Variants in TSPAN9 observed in about 807,000 individuals in gnomAD.
TSPAN9 encodes tetraspanin-9.
TSPAN9 carries 16 observed loss-of-function variants against 31.0 expected under a neutral mutation model. The observed-to-expected ratio is 0.52, with a 90% CI of 0.35 to 0.78. TSPAN9 has a LOEUF of 0.78. Among genes scored for constraint, TSPAN9 ranks in the 30% least tolerant of loss-of-function variants. The probability of loss-of-function intolerance (pLI) is 0.01; values close to 1 mark genes in which losing one functional copy is unlikely to be tolerated. For synonymous variants in TSPAN9, 145 were observed against 121.6 expected, an observed-to-expected ratio of 1.19 and a Z score of -1.27; for missense variants, 272 against 312.5, an observed-to-expected ratio of 0.87 and a Z score of 0.98.
intron 3 of TSPAN9, among the ~76,000 whole-genome samples, chr12:3,206,052 C>T (rs915914627): frequency 2.0e-5 from 3 of 152,190 alleles, no homozygotes; most frequent in African/African-American, 7.2e-5. Context: ...GTAAGCAGCT[C>T]GCTCTAGCCT....
At chr12:3,094,294 C>T (rs1317701989) in intron 2 of TSPAN9, among the ~76,000 whole-genome samples, 2 of 152,160 alleles carry the variant, frequency 1.3e-5, no homozygotes, top group African/African-American at 4.8e-5. Context: ...TAGATTCCTG[C>T]TTTCTTTGCG....
At chr12:3,094,794 C>T (rs1044089061) in intron 2 of TSPAN9, among the ~76,000 whole-genome samples, 1 of 150,032 alleles carries the variant, frequency 6.7e-6, no homozygotes, top group African/African-American at 2.5e-5. Context: ...CTCAGCCTCC[C>T]AAAGTACTGC....
At chr12:3,099,799 G>C (rs1442423008) in intron 2 of TSPAN9, among the ~76,000 whole-genome samples, 1 of 151,358 alleles carries the variant, frequency 6.6e-6, no homozygotes. Flanking sequence ...ACCCTTCAGA[G>C]GATTCTACCG....
intron 2 of TSPAN9, among the ~76,000 whole-genome samples, chr12:3,157,037 T>C (rs1347917368): frequency 6.6e-6 from 1 of 152,056 alleles, no homozygotes; most frequent in Non-Finnish European, 1.5e-5. Context: ...CTGAGCCTCA[T>C]AGAAACAGGC....
intron 2 of TSPAN9, among the ~76,000 whole-genome samples, chr12:3,154,006 A>ATGTGTGTGTGTG (rs1283951894): frequency 2.0e-4 from 14 of 68,694 alleles, no homozygotes; most frequent in African/African-American, 7.1e-4. Flanking sequence ...AGTATTATAT[A>ATGTGTGTGTGTG]TATATGTGTG....
chr12:3,103,294 G>A (rs548611626), intron 2 of TSPAN9, among the ~76,000 whole-genome samples: 3 of 152,236 alleles, frequency 2.0e-5, no homozygotes, highest in East Asian at 1.9e-4. Context: ...CCTCGTCCGC[G>A]GTAGCTGTTG....
chr12:3,142,595 G>T (rs565222183), intron 2 of TSPAN9, among the ~76,000 whole-genome samples: 61 of 152,238 alleles, frequency 4.0e-4, no homozygotes, highest in African/African-American at 1.4e-3. Flanking sequence ...TCAGCAAGCC[G>T]CCTGAGACAG....
Position 3,168,236 on chromosome 12 carries a change from C to T in TSPAN9, c.-17-32941C>T, listed in dbSNP as rs1226268147. On this transcript the variant is annotated intron_variant, in intron 2 of 8. Transcript: ENST00000011898. The surrounding 1 kb of genome is among the most constrained non-coding windows in gnomAD (Gnocchi z 4.0). ...CTCTATCATGGGAAAAATCTTCATC[C>T]CTCTACACTGTGCCAGCTCTTTCCA... 6.6e-6 allele frequency among the ~76,000 whole-genome samples: 1 copy of T among 152,174 alleles called. No homozygotes were observed. The highest frequency in any genetic ancestry group is 6.5e-5 in the Admixed American group (1 of 15,286).
rs765040711 is a variant in TSPAN9, at chr12:3,112,676, C to CTTTTTTTTTT, written c.-18+28967_-18+28976dup. Among the ~76,000 whole-genome samples, 4 of 88,502 alleles carry CTTTTTTTTTT rather than the reference C, an allele frequency of 4.5e-5. 1 individual carries two copies. The highest frequency in any genetic ancestry group is 3.5e-4 in the East Asian group (1 of 2,856). The allele number at this position is 88,502 out of a possible 152,430, so 58.1% of individuals were successfully genotyped here. A position where few individuals can be genotyped will look rare whatever the true frequency, so the allele number is the denominator to read the frequency against. ...TTATTCTCAATCTCATTTATTTTTGCTTTTTTTTTTTTTTTTTTTGGAGAC... is the reference window on the plus strand; with the variant it reads ...TTATTCTCAATCTCATTTATTTTTGCTTTTTTTTTTTTTTTTTTTTTTTTTTTTTGGAGAC... On this transcript the variant is annotated intron_variant, in intron 2 of 8. Coordinates refer to ENST00000011898, the MANE Select transcript of TSPAN9 (RefSeq NM_006675.5).
At chr12:3,159,724 G>T (rs527598343) in intron 2 of TSPAN9, among the ~76,000 whole-genome samples, 5 of 152,162 alleles carry the variant, frequency 3.3e-5, no homozygotes, top group Admixed American at 6.5e-5. Flanking sequence ...TGTATATATA[G>T]AGAGAGGATA....
At chr12:3,124,704 C>T (rs1047009366) in intron 2 of TSPAN9, 7 of 152,022 alleles carry the variant, frequency 4.6e-5, no homozygotes, top group African/African-American at 1.7e-4. Flanking sequence ...GCCACCGCGC[C>T]CAGCCTGATG....
intron 2 of TSPAN9, among the ~76,000 whole-genome samples, chr12:3,095,728 T>C (rs1409833837): frequency 6.7e-6 from 1 of 148,918 alleles, no homozygotes. Flanking sequence ...TCCCCACATC[T>C]CAGACGATGG....
chr12:3,130,358 C>G (rs1409723709), intron 2 of TSPAN9, among the ~76,000 whole-genome samples: 1 of 152,242 alleles, frequency 6.6e-6, no homozygotes, highest in Non-Finnish European at 1.5e-5. Context: ...TTGATCCTCT[C>G]ATGTTTTCTT....
intron 2 of TSPAN9, among the ~76,000 whole-genome samples, chr12:3,145,250 C>T (rs368343852): frequency 6.8e-4 from 103 of 152,344 alleles, no homozygotes; most frequent in African/African-American, 2.5e-3. Flanking sequence ...AGCACGTGCA[C>T]AGCTCTCAGT....
At chr12:3,093,907 C>T (rs1029783781) in intron 2 of TSPAN9, among the ~76,000 whole-genome samples, 4 of 152,180 alleles carry the variant, frequency 2.6e-5, no homozygotes, top group African/African-American at 4.8e-5. Flanking sequence ...CTGTCATGCA[C>T]GCTGAAGTGC....
At chr12:3,223,422 A>AC (rs1489142542) in intron 3 of TSPAN9, among the ~76,000 whole-genome samples, 1 of 152,166 alleles carries the variant, frequency 6.6e-6, no homozygotes, top group Non-Finnish European at 1.5e-5. Flanking sequence ...GAGATGTGGG[A>AC]CAGGGACCTC....
chr12:3,257,122 T>C (rs1862361627), intron 3 of TSPAN9, among the ~76,000 whole-genome samples: 1 of 152,092 alleles, frequency 6.6e-6, no homozygotes. Flanking sequence ...TCTCCAACCT[T>C]ATAGGCAAGA....
intron 3 of TSPAN9, among the ~76,000 whole-genome samples, chr12:3,276,491 G>A (rs1203788027): frequency 6.6e-6 from 1 of 152,166 alleles, no homozygotes; most frequent in African/African-American, 2.4e-5. Context: ...CCACTCCGGG[G>A]CTTTTGCACC....
intron 2 of TSPAN9, among the ~76,000 whole-genome samples, chr12:3,094,541 T>G (rs12299819): frequency 0.059 from 5,859 of 98,992 alleles, 116 homozygotes; most frequent in South Asian, 0.068. Flanking sequence ...TGTTGTTGTT[T>G]TTTTTTTTTT....
Sources: allele counts gnomAD v4.1 joint callset (sites outside exome capture counted in the v4.1 genomes callset), GRCh38; gene constraint gnomAD v4.1.1; non-coding constraint Gnocchi (gnomAD v3.1); transcripts MANE v1.5; gene names NCBI Gene and HGNC (gene_info 2026-07-23, HGNC 2026-07-21).